The following PSMD14 variants were observed in gnomAD, a reference collection of about 807,000 sequenced individuals.
PSMD14 encodes proteasome 26S subunit, non-ATPase 14, also known as ubiquitin C-terminal hydrolase PSMD14.
PSMD14 carries 7 observed loss-of-function variants against 41.2 expected under a neutral mutation model. The observed-to-expected ratio is 0.17, with a 90% CI of 0.10 to 0.32. The LOEUF is 0.32. Among genes scored for constraint, PSMD14 ranks in the 10% least tolerant of loss-of-function variants. The probability of loss-of-function intolerance (pLI) is 1.00; values close to 1 mark genes in which losing one functional copy is unlikely to be tolerated. For missense variants in PSMD14, 139 were observed against 375.6 expected (o/e 0.37, Z 5.21); for synonymous variants, 114 against 122.3 (o/e 0.93, Z 0.45).
chr2:161,407,162 A>G (rs1462751624), intron 10 of PSMD14, among the ~76,000 whole-genome samples: 4 of 152,132 alleles, frequency 2.6e-5, no homozygotes, highest in Non-Finnish European at 5.9e-5. Flanking sequence ...TTAAGTCAAT[A>G]AAGTTTAGTG....
chr2:161,405,839 G>A (rs543806366), intron 10 of PSMD14, among the ~76,000 whole-genome samples: 1 of 152,136 alleles, frequency 6.6e-6, no homozygotes, highest in Admixed American at 6.5e-5. Flanking sequence ...TGCGAACAAA[G>A]TTAACATGTT....
chr2:161,321,620 G>T (rs967923185), intron 3 of PSMD14, among the ~76,000 whole-genome samples: 3 of 152,102 alleles, frequency 2.0e-5, no homozygotes, highest in Admixed American at 1.3e-4. Context: ...TCCACACTTT[G>T]GACTGACACT....
At chr2:161,356,262 C>T (rs1683196564) in intron 3 of PSMD14, among the ~76,000 whole-genome samples, 1 of 152,070 alleles carries the variant, frequency 6.6e-6, no homozygotes, top group South Asian at 2.1e-4. Flanking sequence ...AACAGGTTGC[C>T]TTAGCTAGTC....
intron 7 of PSMD14, among the ~76,000 whole-genome samples, chr2:161,374,316 A>T (rs1683476826): frequency 6.6e-6 from 1 of 151,958 alleles, no homozygotes; most frequent in African/African-American, 2.4e-5. Flanking sequence ...ATATTAATTG[A>T]TTTTTTAAAA....
At position 161,364,303 on chromosome 2, in the gene PSMD14, G is replaced by C. The variant is rs527574982; in HGVS notation, c.49-3175G>C. ...GTATCATCTTCTGCTTATGTGTTCT[G>C]TTCCTCTCAATGTCCAGCCACTTGT... On this transcript the variant is annotated intron_variant, in intron 3 of 11. Transcript: ENST00000409682. Among the ~76,000 whole-genome samples the C allele has an allele frequency of 2.9e-4, 44 of 152,244 alleles. No homozygotes were observed. The South Asian group carries it at 8.3e-3, about 29-fold the overall frequency.
chr2:161,313,827 C>T (rs1000352102), intron 1 of PSMD14, among the ~76,000 whole-genome samples: 3 of 152,036 alleles, frequency 2.0e-5, no homozygotes, highest in East Asian at 1.9e-4. Context: ...TTCTAGTAGG[C>T]GCTAGCTGAT....
intron 10 of PSMD14, 145 bp downstream of exon 10, chr2:161,395,348 C>G (rs1308842954): frequency 2.6e-6 from 2 of 766,662 alleles, no homozygotes; most frequent in African/African-American, 3.6e-5. Context: ...ATCTGGTCTG[C>G]AACTACTCAC....
intron 2 of PSMD14, among the ~76,000 whole-genome samples, chr2:161,316,812 T>C (rs1689152725): frequency 6.6e-6 from 1 of 152,210 alleles, no homozygotes; most frequent in African/African-American, 2.4e-5. Context: ...CTCTTTGCTG[T>C]GATATCTAAT....
rs1162637393 is a variant in PSMD14, at chr2:161,389,889, GTT to G, written c.571-1193_571-1192del. Among the ~76,000 whole-genome samples the G allele has an allele frequency of 5.2e-3, 105 of 20,048 alleles. 6 individuals are homozygous for G. The highest frequency in any genetic ancestry group is 0.042 in the South Asian group (16 of 382). The allele number at this position is 20,048 out of a possible 152,430, so 13.2% of individuals were successfully genotyped here. On this transcript the variant is annotated intron_variant, in intron 8 of 11. Transcript: ENST00000409682. Reference sequence around the variant, plus strand: ...TGTCTTATTTTCTTTCTTTTTTGTTGTTTTTTTTTTTTTTTTTTTTTTTAGAG... The same window carrying G: ...TGTCTTATTTTCTTTCTTTTTTGTTGTTTTTTTTTTTTTTTTTTTTTAGAG...
chr2:161,406,012 C>T (rs1002011733), intron 10 of PSMD14, among the ~76,000 whole-genome samples: 3 of 152,030 alleles, frequency 2.0e-5, no homozygotes, highest in Non-Finnish European at 2.9e-5. Context: ...ACAAAAACAA[C>T]AAAAAATCCA....
At chr2:161,336,319 A>C (rs750703530) in intron 3 of PSMD14, among the ~76,000 whole-genome samples, 4 of 152,206 alleles carry the variant, frequency 2.6e-5, no homozygotes, top group Non-Finnish European at 5.9e-5. Flanking sequence ...TCACCATATT[A>C]ATAAAACACT....
At chr2:161,351,179 T>C (rs1469482170) in intron 3 of PSMD14, among the ~76,000 whole-genome samples, 1 of 152,210 alleles carries the variant, frequency 6.6e-6, no homozygotes, top group Non-Finnish European at 1.5e-5. Flanking sequence ...GAAAGAGAAG[T>C]CCACCTATAC....
chr2:161,367,586 C>T (rs1683376470), intron 4 of PSMD14, 37 bp downstream of exon 4: 1 of 1,524,624 alleles, frequency 6.6e-7, no homozygotes, highest in Non-Finnish European at 9.0e-7. Context: ...TTAGAGAACT[C>T]TGTTGCTTTC....
At chr2:161,322,573 A>G (rs746931069) in intron 3 of PSMD14, among the ~76,000 whole-genome samples, 1 of 152,036 alleles carries the variant, frequency 6.6e-6, no homozygotes, top group Non-Finnish European at 1.5e-5. Context: ...TATTTTTAGT[A>G]GAGGTGGGGT....
intron 1 of PSMD14, among the ~76,000 whole-genome samples, chr2:161,315,027 A>G (rs569158166): frequency 6.6e-6 from 1 of 152,360 alleles, no homozygotes; most frequent in South Asian, 2.1e-4. Flanking sequence ...GAGAAAATTA[A>G]TCTAGGGTAT....
At chr2:161,311,977 T>G (rs1376710015) in intron 1 of PSMD14, among the ~76,000 whole-genome samples, 2 of 152,074 alleles carry the variant, frequency 1.3e-5, no homozygotes, top group Non-Finnish European at 2.9e-5. Context: ...TATAATTAAA[T>G]TTAATGTTGA....
chr2:161,408,182 T>C (rs1242336291), intron 10 of PSMD14: 4 of 152,138 alleles, frequency 2.6e-5, no homozygotes, highest in African/African-American at 9.6e-5. Flanking sequence ...GTAATTTTTT[T>C]GTTGAAAACT....
chr2:161,320,997 A>G (rs1682572551), intron 3 of PSMD14, among the ~76,000 whole-genome samples: 1 of 152,224 alleles, frequency 6.6e-6, no homozygotes, highest in Non-Finnish European at 1.5e-5. Flanking sequence ...AAGTGCTGGG[A>G]TTACAGGCGT....
chr2:161,371,313 A>G lies in PSMD14; in HGVS notation c.453A>G (p.Val151=). The change falls in exon 7 of 12, where the codon GTA becomes GTG. Residue 151 remains valine (V), a synonymous_variant. Coordinates refer to ENST00000409682, the MANE Select transcript of PSMD14 (RefSeq NM_005805.6). ...TGGTTGTGGATCCCATTCAGAGTGT[A>G]AAAGGAAAGGTAGAGTAGATTCTAT... is the stretch of plus-strand genomic sequence containing the variant. ...VAVVVDPIQS[V]KGKVVIDAFR... 6.2e-7 allele frequency: 1 copy of G among 1,609,146 alleles called. No homozygotes were observed. Among genetic ancestry groups the G allele is most frequent in the Non-Finnish European group, 8.5e-7 (1 of 1,177,292 alleles).
Sources: allele counts gnomAD v4.1 joint callset (sites outside exome capture counted in the v4.1 genomes callset), GRCh38; gene constraint gnomAD v4.1.1; transcripts MANE v1.5; gene names NCBI Gene and HGNC (gene_info 2026-07-23, HGNC 2026-07-21).